Variants in PAK5 observed in about 807,000 individuals in gnomAD.
The protein encoded by PAK5 is p21 (RAC1) activated kinase 5, also known as serine/threonine-protein kinase PAK 5.
Under a neutral mutation model 65.9 loss-of-function variants are expected in PAK5, and 16 were observed. The observed-to-expected ratio is 0.24, with a 90% CI of 0.16 to 0.37. The LOEUF is 0.37. Ranked by LOEUF, PAK5 falls within the 10% of genes least tolerant of loss-of-function variation. The pLI is 1.00. For missense variants in PAK5, 785 were observed against 903.9 expected, an observed-to-expected ratio of 0.87 and a Z score of 1.69; for synonymous variants, 371 against 354.9, an observed-to-expected ratio of 1.05 and a Z score of -0.51.
chr20:9,556,858 T>G (rs1052844561), intron 7 of PAK5, among the ~76,000 whole-genome samples: 7 of 152,138 alleles, frequency 4.6e-5, no homozygotes, highest in African/African-American at 1.7e-4. Context: ...ATTGACTGCA[T>G]TTTGGCTCCT....
In PAK5 at chr20:9,641,685, T is replaced by C. The variant is rs372201870; in HGVS notation, c.204+2440A>G. 3.7e-4 allele frequency among the ~76,000 whole-genome samples: 56 copies of C among 150,844 alleles called. No homozygotes were observed. In the East Asian group the frequency reaches 6.9e-3, roughly 19 times the overall value. On this transcript the variant is annotated intron_variant, in intron 3 of 9. Coordinates refer to ENST00000353224, the MANE Select transcript of PAK5 (RefSeq NM_177990.4). Reference sequence around the variant, plus strand: ...CTCGGCCGCACAGGAGCCCATGGAGTGGGTGGGAGGCTCAGGCATGGCGGG... The same window carrying C: ...CTCGGCCGCACAGGAGCCCATGGAGCGGGTGGGAGGCTCAGGCATGGCGGG...
chr20:9,606,763 G>C (rs996628836), intron 3 of PAK5, among the ~76,000 whole-genome samples: 3 of 152,144 alleles, frequency 2.0e-5, no homozygotes, highest in Admixed American at 6.5e-5. Flanking sequence ...TGTTTCCTTT[G>C]TGAAAATGTG....
chr20:9,690,023 A>G (rs2047770842), intron 2 of PAK5, among the ~76,000 whole-genome samples: 1 of 152,206 alleles, frequency 6.6e-6, no homozygotes, highest in African/African-American at 2.4e-5. Flanking sequence ...AAAAAAACAT[A>G]CACCTCTCCA....
At chr20:9,555,794 G>A (rs372351901) in intron 7 of PAK5, among the ~76,000 whole-genome samples, 1 of 152,276 alleles carries the variant, frequency 6.6e-6, no homozygotes. Context: ...ATTTGAAAGG[G>A]CCTACACATC....
At chr20:9,549,044 A>G (rs900089097) in intron 7 of PAK5, among the ~76,000 whole-genome samples, 8 of 152,164 alleles carry the variant, frequency 5.3e-5, no homozygotes, top group African/African-American at 1.9e-4. Flanking sequence ...AGTATGAAAA[A>G]AAGGGCCTTG....
At chr20:9,680,347 G>C (rs1166040643) in intron 2 of PAK5, among the ~76,000 whole-genome samples, 1 of 152,196 alleles carries the variant, frequency 6.6e-6, no homozygotes, top group Non-Finnish European at 1.5e-5. Flanking sequence ...TTGAGTGCAA[G>C]TCCTTTACCT....
chr20:9,681,120 C>A (rs955789071), intron 2 of PAK5, among the ~76,000 whole-genome samples: 6 of 152,210 alleles, frequency 3.9e-5, no homozygotes, highest in South Asian at 4.2e-4. Context: ...TGGAATGATT[C>A]TTCAATAAAG....
intron 2 of PAK5, among the ~76,000 whole-genome samples, chr20:9,673,752 T>G (rs1179293363): frequency 1.3e-5 from 2 of 152,152 alleles, no homozygotes; most frequent in Admixed American, 1.3e-4. Context: ...ATTATAGTTT[T>G]TATGGGACAT....
At chr20:9,673,910 T>C (rs112883447) in intron 2 of PAK5, among the ~76,000 whole-genome samples, 1 of 152,216 alleles carries the variant, frequency 6.6e-6, no homozygotes, top group East Asian at 1.9e-4. Flanking sequence ...GCTCATAAGC[T>C]GCCCAATAAG....
intron 1 of PAK5, among the ~76,000 whole-genome samples, chr20:9,783,914 T>A (rs891063426): frequency 1.3e-5 from 2 of 152,166 alleles, no homozygotes; most frequent in African/African-American, 4.8e-5. Context: ...ACTAACCCAA[T>A]TTTTGTATTC....
At chr20:9,716,501 T>C (rs935299276) in intron 1 of PAK5, among the ~76,000 whole-genome samples, 1 of 152,188 alleles carries the variant, frequency 6.6e-6, no homozygotes, top group South Asian at 2.1e-4. Context: ...TAAAACTAAA[T>C]GCATTTTGTA....
chr20:9,771,494 A>C (rs970063294), intron 1 of PAK5, among the ~76,000 whole-genome samples: 1 of 151,306 alleles, frequency 6.6e-6, no homozygotes, highest in Non-Finnish European at 1.5e-5. Flanking sequence ...CTGCAGCCTC[A>C]AACTCCTGGG....
At position 9,710,914 on chromosome 20, in the gene PAK5, C is replaced by T. The variant is rs148527109; in HGVS notation, c.-12+372G>A. ...ACACATGGACGGTATGATCTTCAAACCCTACTTGGCTGGATTTTTTTCTAT... is the reference window on the plus strand; with the variant it reads ...ACACATGGACGGTATGATCTTCAAATCCTACTTGGCTGGATTTTTTTCTAT... On this transcript the variant is annotated intron_variant, in intron 2 of 9. Transcript: ENST00000353224. Among the ~76,000 whole-genome samples, 165 of 152,278 alleles carry T rather than the reference C, an allele frequency of 1.1e-3. 1 individual carries two copies. Among genetic ancestry groups the T allele is most frequent in the African/African-American group, 3.5e-3 (145 of 41,552 alleles).
intron 3 of PAK5, among the ~76,000 whole-genome samples, chr20:9,634,408 A>G (rs2046959358): frequency 6.6e-6 from 1 of 152,234 alleles, no homozygotes; most frequent in African/African-American, 2.4e-5. Flanking sequence ...TTGTTTTTAG[A>G]GTAATAACTA....
At chr20:9,602,058 C>T (rs999300860) in intron 3 of PAK5, among the ~76,000 whole-genome samples, 25 of 151,926 alleles carry the variant, frequency 1.6e-4, no homozygotes, top group Admixed American at 2.6e-4. Context: ...TTTGGGAGGC[C>T]GAGGCGGGAG....
chr20:9,571,294 C>T (rs148675552), intron 4 of PAK5, among the ~76,000 whole-genome samples: 50 of 152,304 alleles, frequency 3.3e-4, no homozygotes, highest in African/African-American at 9.9e-4. Context: ...AACCCACATG[C>T]GGGGTTCCAT....
chr20:9,603,121 G>A (rs1210100525), intron 3 of PAK5, among the ~76,000 whole-genome samples: 3 of 152,234 alleles, frequency 2.0e-5, no homozygotes, highest in Non-Finnish European at 4.4e-5. Context: ...ATGGTGCCCT[G>A]GAGGGGAAAG....
chr20:9,770,163 G>A (rs146565354), intron 1 of PAK5, among the ~76,000 whole-genome samples: 102 of 152,202 alleles, frequency 6.7e-4, no homozygotes, highest in African/African-American at 2.1e-3. Context: ...GAAAGAGGAC[G>A]GTCGACTTCC....
At chr20:9,654,549 C>T (rs1390495588) in intron 2 of PAK5, among the ~76,000 whole-genome samples, 1 of 151,936 alleles carries the variant, frequency 6.6e-6, no homozygotes, top group African/African-American at 2.4e-5. Flanking sequence ...CTAAACTTGC[C>T]CCTCCCAAGC....
Sources: gnomAD v4.1 joint callset for allele counts (sites outside exome capture counted in the v4.1 genomes callset) on GRCh38, gnomAD v4.1.1 for gene constraint, MANE v1.5 for transcripts, NCBI Gene and HGNC (gene_info 2026-07-23, HGNC 2026-07-21) for gene names.